DMD: variants seen among roughly 807,000 people sequenced by gnomAD.
DMD encodes the protein dystrophin.
In DMD, 63 loss-of-function variants were observed where a neutral mutation model predicts 330.1. The ratio of observed to expected loss-of-function variants is 0.19; its 90% confidence interval spans 0.16 to 0.24. DMD has a LOEUF of 0.24. Ranked by LOEUF, DMD falls within the 10% of genes least tolerant of loss-of-function variation. DMD has a pLI of 1.00. For synonymous variants in DMD, 1,223 were observed against 959.8 expected (o/e 1.27, Z -5.07); for missense variants, 3,344 against 2,684.1 (o/e 1.25, Z -5.43).
intron 1 of DMD, among the ~76,000 whole-genome samples, chrX:33,079,256 C>T (rs1434391619): frequency 9.0e-6 from 1 of 111,441 alleles, no homozygotes; most frequent in African/African-American, 3.3e-5. Context: ...AGGTGATCTG[C>T]CCACCTCGGC....
At chrX:31,923,623 G>A (rs1408820030) in intron 47 of DMD, among the ~76,000 whole-genome samples, 3 of 81,852 alleles carry the variant, frequency 3.7e-5, no homozygotes, top group African/African-American at 1.5e-4. Context: ...TTTTGAGATA[G>A]AGTCTTGCTC....
chrX:33,299,399 G>A (rs1016141666), intron 1 of DMD, among the ~76,000 whole-genome samples: 2 of 111,452 alleles, frequency 1.8e-5, no homozygotes, highest in African/African-American at 6.5e-5. Context: ...ATGAGCTAAT[G>A]TTTATACAAA....
Position 33,010,043 on chromosome X carries a change from C to CAT in DMD, c.93+10094_93+10095dup, listed in dbSNP as rs2093644538. 4.9e-5 allele frequency among the ~76,000 whole-genome samples: 3 copies of CAT among 61,082 alleles called. 1 individual carries two copies. Among genetic ancestry groups the CAT allele is most frequent in the Non-Finnish European group, 3.1e-5 (1 of 32,112 alleles). 53.0% of individuals were successfully genotyped at this position (61,082 alleles called of 115,157 possible). On this transcript the variant is annotated intron_variant, in intron 2 of 78. Transcript: ENST00000357033. ...ATATGTGTGTACATGTGTATATACA[C>CAT]ATGTGTATATATACGTGTATATATA...
intron 1 of DMD, among the ~76,000 whole-genome samples, chrX:33,137,709 T>C (rs190723893): frequency 8.9e-6 from 1 of 111,814 alleles, no homozygotes; most frequent in African/African-American, 3.2e-5. Context: ...ATAAATAATA[T>C]GCATTCTGCA....
At chrX:31,349,414 C>G (rs1202514904) in intron 60 of DMD, among the ~76,000 whole-genome samples, 1 of 112,387 alleles carries the variant, frequency 8.9e-6, no homozygotes, top group Admixed American at 9.4e-5. Flanking sequence ...GAGTGAAACT[C>G]CACCTCAAAG....
chrX:32,012,435 T>A (rs1186258523), intron 44 of DMD, among the ~76,000 whole-genome samples: 1 of 111,863 alleles, frequency 8.9e-6, no homozygotes, highest in Non-Finnish European at 1.9e-5. Flanking sequence ...ACCCCCTAGG[T>A]GTCTCCCTCA....
chrX:32,292,154 C>A (rs2097473539), intron 42 of DMD, among the ~76,000 whole-genome samples: 1 of 110,199 alleles, frequency 9.1e-6, no homozygotes, highest in East Asian at 2.8e-4. Flanking sequence ...TGGGATTTCT[C>A]TCCTGTACTA....
chrX:31,133,874 G>A (rs190875394), intron 77 of DMD, among the ~76,000 whole-genome samples: 1 of 112,193 alleles, frequency 8.9e-6, no homozygotes, highest in African/African-American at 3.2e-5. Flanking sequence ...ACAAATAGAG[G>A]GTGGTATTCT....
chrX:32,197,068 C>T (rs1190435240), intron 44 of DMD, among the ~76,000 whole-genome samples: 1 of 109,860 alleles, frequency 9.1e-6, no homozygotes. Flanking sequence ...TAGAACCCTC[C>T]CCCAACATCT....
intron 57 of DMD, among the ~76,000 whole-genome samples, chrX:31,488,111 A>G (rs1166967728): frequency 9.0e-6 from 1 of 111,704 alleles, no homozygotes; most frequent in African/African-American, 3.3e-5. Context: ...CGCACACAGC[A>G]TCTTGAACAG....
At chrX:32,848,949 C>T (rs750384892) in intron 3 of DMD, among the ~76,000 whole-genome samples, 21 of 110,479 alleles carry the variant, frequency 1.9e-4, no homozygotes, top group Non-Finnish European at 3.8e-4. Context: ...TGACTTTGAA[C>T]GACAGCTTCA....
chrX:31,482,260 G>C (rs1463810404), intron 57 of DMD, among the ~76,000 whole-genome samples: 3 of 102,001 alleles, frequency 2.9e-5, no homozygotes. Context: ...TGTGCATGGG[G>C]GACAGAGTAA....
At chrX:31,584,269 C>G (rs1037088914) in intron 55 of DMD, among the ~76,000 whole-genome samples, 13 of 109,414 alleles carry the variant, frequency 1.2e-4, no homozygotes, top group Non-Finnish European at 2.1e-4. Context: ...TCGCCCCACC[C>G]CCCGACAGGC....
intron 54 of DMD, among the ~76,000 whole-genome samples, chrX:31,631,706 G>A (rs2079145101): frequency 9.0e-6 from 1 of 111,607 alleles, no homozygotes; most frequent in Non-Finnish European, 1.9e-5. Flanking sequence ...CTCAGAATCT[G>A]CTTTCTGGGA....
intron 34 of DMD, among the ~76,000 whole-genome samples, chrX:32,370,608 C>G (rs2097871972): frequency 9.1e-6 from 1 of 110,416 alleles, no homozygotes; most frequent in South Asian, 3.8e-4. Context: ...TAAGTAACAG[C>G]TGCTTGATGC....
At chrX:32,917,023 C>T (rs755386363) in intron 2 of DMD, among the ~76,000 whole-genome samples, 1 of 111,426 alleles carries the variant, frequency 9.0e-6, no homozygotes, top group African/African-American at 3.3e-5. Context: ...AAATCTAATG[C>T]CAAATAGTAA....
chrX:32,757,242 G>A (rs2071619120), intron 7 of DMD, among the ~76,000 whole-genome samples: 1 of 111,005 alleles, frequency 9.0e-6, no homozygotes, highest in African/African-American at 3.3e-5. Flanking sequence ...CTATAGTCTT[G>A]TTATATACAC....
At chrX:31,585,230 G>C (rs2076532755) in intron 55 of DMD, among the ~76,000 whole-genome samples, 1 of 106,201 alleles carries the variant, frequency 9.4e-6, no homozygotes, top group Non-Finnish European at 1.9e-5. Context: ...GGCTGAGGTT[G>C]GGGGGATCAC....
At chrX:32,531,293 C>T (rs1170544542) in intron 17 of DMD, among the ~76,000 whole-genome samples, 1 of 111,338 alleles carries the variant, frequency 9.0e-6, no homozygotes, top group Non-Finnish European at 1.9e-5. Context: ...GAGAGTCATG[C>T]TTAGTTCAAA....
Sources: gnomAD v4.1 joint callset for allele counts (sites outside exome capture counted in the v4.1 genomes callset) on GRCh38, gnomAD v4.1.1 for gene constraint, MANE v1.5 for transcripts, NCBI Gene and HGNC (gene_info 2026-07-23, HGNC 2026-07-21) for gene names.